Variants in TUSC3 observed in about 807,000 individuals in gnomAD.
TUSC3 encodes the protein dolichyl-diphosphooligosaccharide--protein glycosyltransferase subunit TUSC3.
Under a neutral mutation model 44.8 loss-of-function variants are expected in TUSC3, and 45 were observed. The ratio of observed to expected loss-of-function variants is 1.00; its 90% confidence interval spans 0.79 to 1.29. The LOEUF is 1.29. Ranked by LOEUF, TUSC3 falls within the 50% of genes most tolerant of loss-of-function variation. The pLI is 0.00. For synonymous variants in TUSC3, 212 were observed against 152.9 expected (o/e 1.39, Z -2.85); for missense variants, 519 against 437.9 (o/e 1.19, Z -1.65).
intron 6 of TUSC3, among the ~76,000 whole-genome samples, chr8:15,688,476 G>A (rs556344869): frequency 1.2e-4 from 17 of 145,514 alleles, no homozygotes; most frequent in African/African-American, 4.1e-4. Flanking sequence ...TACTTGTGCA[G>A]ATCTGTTATA....
At chr8:15,666,145 G>C (rs991516575) in intron 5 of TUSC3, among the ~76,000 whole-genome samples, 3 of 151,428 alleles carry the variant, frequency 2.0e-5, no homozygotes, top group Non-Finnish European at 4.4e-5. Context: ...TGTATGTTTT[G>C]TAGCACATAA....
chr8:15,500,027 C>G (rs1393282020), intron 2 of TUSC3, among the ~76,000 whole-genome samples: 1 of 152,192 alleles, frequency 6.6e-6, no homozygotes, highest in African/African-American at 2.4e-5. Context: ...TCTAACCCAT[C>G]TTAGCCATTT....
chr8:15,635,006 A>T (rs555911955), intron 2 of TUSC3, among the ~76,000 whole-genome samples: 1 of 152,264 alleles, frequency 6.6e-6, no homozygotes. Context: ...CATGTCAGTA[A>T]AACAAGAGAA....
chr8:15,526,469 A>G (rs927710735), intron 2 of TUSC3, among the ~76,000 whole-genome samples: 2 of 152,110 alleles, frequency 1.3e-5, no homozygotes, highest in African/African-American at 4.8e-5. Flanking sequence ...ATTCCCACAC[A>G]TTGTGGGAGG....
chr8:15,478,983 A>C (rs958833374), intron 1 of TUSC3, among the ~76,000 whole-genome samples: 1 of 152,118 alleles, frequency 6.6e-6, no homozygotes, highest in African/African-American at 2.4e-5. Context: ...TGTGACTGGC[A>C]TGAGATGCTA....
At chr8:15,506,958 G>A (rs948035967) in intron 2 of TUSC3, among the ~76,000 whole-genome samples, 47 of 152,136 alleles carry the variant, frequency 3.1e-4, no homozygotes, top group African/African-American at 1.1e-3. Flanking sequence ...TTTTTGTCTG[G>A]TCATATTTCT....
At chr8:15,739,376 ATAAT>A (rs1322294884) in intron 7 of TUSC3, among the ~76,000 whole-genome samples, 8 of 152,134 alleles carry the variant, frequency 5.3e-5, no homozygotes, top group Admixed American at 3.3e-4. Context: ...ATAATTAATG[ATAAT>A]TGATGATTTG....
upstream of TUSC3, among the ~76,000 whole-genome samples, chr8:15,539,342 G>GTTTTTTT (rs1554511025): frequency 4.5e-5 from 4 of 88,898 alleles, no homozygotes; most frequent in African/African-American, 1.3e-4. Context: ...TGCTGCTATG[G>GTTTTTTT]TTCTTTTTTT....
chr8:15,617,716 C>A (rs865938836), intron 1 of TUSC3, among the ~76,000 whole-genome samples: 1 of 152,164 alleles, frequency 6.6e-6, no homozygotes, highest in Admixed American at 6.5e-5. Flanking sequence ...CAGTCAAATA[C>A]TGTTTTCCAA....
At position 15,526,754 on chromosome 8, in the gene TUSC3, G is replaced by C. The variant is rs139817703; in HGVS notation, n.189+43271G>C. Among the ~76,000 whole-genome samples the C allele has an allele frequency of 5.6e-3, 856 of 152,246 alleles. 8 individuals carry two copies. The highest frequency in any genetic ancestry group is 0.019 in the African/African-American group (799 of 41,552). ...TGTGTTCATCAGCAGCATGATAACA[G>C]ACTAATACAGAGTCCACATATAAAA... On this transcript the variant is annotated intron_variant and non_coding_transcript_variant, in intron 2 of 5. Coordinates refer to the TUSC3 transcript ENST00000503191.
At chr8:15,556,734 T>G (rs1299945966) in intron 1 of TUSC3, among the ~76,000 whole-genome samples, 1 of 143,486 alleles carries the variant, frequency 7.0e-6, no homozygotes, top group African/African-American at 2.5e-5. Flanking sequence ...TGGTTTTGAT[T>G]TGCATTTCTC....
At chr8:15,733,335 A>G in intron 7 of TUSC3, 1 of 394,812 alleles carries the variant, frequency 2.5e-6, no homozygotes, top group Non-Finnish European at 4.9e-6. Flanking sequence ...TTATTTAAAT[A>G]TTATAGCTTC....
At chr8:15,550,744 T>C (rs1377173638) in intron 1 of TUSC3, among the ~76,000 whole-genome samples, 3 of 151,662 alleles carry the variant, frequency 2.0e-5, no homozygotes, top group African/African-American at 7.2e-5. Context: ...TGGTCTCATC[T>C]CACTGCAACC....
chr8:15,469,063 A>G (rs1298124534), intron 1 of TUSC3, among the ~76,000 whole-genome samples: 10 of 152,184 alleles, frequency 6.6e-5, no homozygotes, highest in Admixed American at 6.5e-4. Context: ...AAAAACGAGA[A>G]GGCTGGTAAT....
intron 2 of TUSC3, among the ~76,000 whole-genome samples, chr8:15,526,144 T>G (rs1190108470): frequency 6.6e-6 from 1 of 152,072 alleles, no homozygotes; most frequent in Non-Finnish European, 1.5e-5. Context: ...GCCATTCTTC[T>G]GCCTCAGCCT....
chr8:15,800,034 C>A, the TUSC3 span, among the ~76,000 whole-genome samples: 2 of 152,118 alleles, frequency 1.3e-5, no homozygotes, highest in Admixed American at 6.5e-5. Flanking sequence ...TTATAACGGG[C>A]AGCAAGCATG....
At chr8:15,573,202 C>CTCTATATATA (rs1435847916) in intron 1 of TUSC3, among the ~76,000 whole-genome samples, 40 of 74,168 alleles carry the variant, frequency 5.4e-4, no homozygotes, top group Admixed American at 1.7e-3. Flanking sequence ...CTCTCTCTCT[C>CTCTATATATA]TATATATATA....
At chr8:15,773,381 T>C in the TUSC3 span, among the ~76,000 whole-genome samples, 3 of 151,994 alleles carry the variant, frequency 2.0e-5, no homozygotes, top group African/African-American at 7.2e-5. Context: ...AACCAAATAA[T>C]AAAATACTTT....
At chr8:15,688,278 A>G (rs908116986) in intron 6 of TUSC3, among the ~76,000 whole-genome samples, 9 of 152,204 alleles carry the variant, frequency 5.9e-5, no homozygotes, top group African/African-American at 1.9e-4. Context: ...TCAGAATAAG[A>G]TGTACATTTC....
Sources: allele counts gnomAD v4.1 joint callset (sites outside exome capture counted in the v4.1 genomes callset), GRCh38; gene constraint gnomAD v4.1.1; transcripts MANE v1.5; gene names NCBI Gene and HGNC (gene_info 2026-07-23, HGNC 2026-07-21).